The following ERC2 variants were observed in gnomAD, a reference collection of about 807,000 sequenced individuals.
ERC2 encodes ELKS/RAB6-interacting/CAST family member 2, also known as ERC protein 2.
In ERC2, 42 loss-of-function variants were observed where a neutral mutation model predicts 114.8. That is an observed-to-expected ratio of 0.37 (90% CI 0.29 to 0.47). The LOEUF is 0.47. Ranked by LOEUF, ERC2 falls within the 20% of genes least tolerant of loss-of-function variation. ERC2 has a pLI of 0.99. For synonymous variants in ERC2, 454 were observed against 425.5 expected, an observed-to-expected ratio of 1.07 and a Z score of -0.82; for missense variants, 939 against 1,150.7, an observed-to-expected ratio of 0.82 and a Z score of 2.66.
chr3:55,743,873 A>G (rs2148947652), intron 14 of ERC2, among the ~76,000 whole-genome samples: 1 of 152,314 alleles, frequency 6.6e-6, no homozygotes, highest in African/African-American at 2.4e-5. Flanking sequence ...GGACAATCAT[A>G]ACTCTCTCTT....
At chr3:56,138,059 T>C (rs866311607) in intron 6 of ERC2, among the ~76,000 whole-genome samples, 19 of 139,426 alleles carry the variant, frequency 1.4e-4, no homozygotes, top group African/African-American at 4.4e-4. Flanking sequence ...TTCTTTTTTT[T>C]TTTTTTTTTT....
chr3:56,455,676 T>C (rs1408993957), intron 1 of ERC2, among the ~76,000 whole-genome samples: 2 of 152,264 alleles, frequency 1.3e-5, no homozygotes, highest in Non-Finnish European at 1.5e-5. Flanking sequence ...TGACTCATAG[T>C]AGATACTTAA....
At chr3:55,575,406 G>A (rs1559679551) in intron 17 of ERC2, among the ~76,000 whole-genome samples, 1 of 152,186 alleles carries the variant, frequency 6.6e-6, no homozygotes, top group Non-Finnish European at 1.5e-5. Context: ...GATAAATGGG[G>A]TCCTGTTACC....
intron 1 of ERC2, among the ~76,000 whole-genome samples, chr3:56,440,368 C>T (rs902506909): frequency 6.6e-6 from 1 of 152,062 alleles, no homozygotes; most frequent in Non-Finnish European, 1.5e-5. Flanking sequence ...ACGGTGAAAC[C>T]CCATCTCTAC....
At chr3:56,132,823 G>A (rs2080285481) in intron 6 of ERC2, among the ~76,000 whole-genome samples, 1 of 151,950 alleles carries the variant, frequency 6.6e-6, no homozygotes. Flanking sequence ...GTGTATGTTT[G>A]TATATATATA....
At chr3:55,908,413 A>T (rs2064594646) in intron 13 of ERC2, among the ~76,000 whole-genome samples, 1 of 152,024 alleles carries the variant, frequency 6.6e-6, no homozygotes, top group East Asian at 1.9e-4. Context: ...ATGGGCTGGG[A>T]CAGGGAGGCA....
chr3:55,537,300 G>A (rs2107314370), intron 17 of ERC2, among the ~76,000 whole-genome samples: 1 of 152,346 alleles, frequency 6.6e-6, no homozygotes, highest in African/African-American at 2.4e-5. Context: ...GATAGGTTTG[G>A]AGCATAGAGG....
chr3:55,766,051 G>A lies in ERC2; in HGVS notation c.2565-31133C>T, dbSNP rs577811429. On this transcript the variant is annotated intron_variant, in intron 14 of 17. Transcript: ENST00000288221. ...CAGAACCCCTGTAGGGTATGCCTGG[G>A]CCAAGTCCCAGGACACTAAGAGAAC... 7.9e-5 allele frequency among the ~76,000 whole-genome samples: 12 copies of A among 152,284 alleles called. No homozygotes were observed. The South Asian group carries it at 2.5e-3, about 32-fold the overall frequency.
chr3:56,001,572 C>T (rs1183051314), intron 10 of ERC2, among the ~76,000 whole-genome samples: 2 of 152,082 alleles, frequency 1.3e-5, no homozygotes, highest in African/African-American at 4.8e-5. Context: ...GAAAAGTTCA[C>T]GCTGGCATAT....
At chr3:56,333,698 AT>A (rs5849148) in intron 2 of ERC2, among the ~76,000 whole-genome samples, 33,332 of 150,306 alleles carry the variant, frequency 0.22, 4,229 homozygotes, top group Non-Finnish European at 0.28. Flanking sequence ...CCAAATGAAC[AT>A]TTTTTTTTTC....
rs918071472 is a variant in ERC2, at chr3:56,296,101, C to T, written c.992G>A (p.Arg331Gln). The change falls in exon 3 of 18, where the codon CGG becomes CAG. Residue 331 changes from arginine (R) to glutamine (Q), a missense_variant. Arg to Gln is a conservative substitution (Grantham distance 43). This residue lies in a region of ERC2 where 148 missense variants were observed against 159.1 expected (regional missense o/e 0.93). Coordinates refer to ENST00000288221, the MANE Select transcript of ERC2 (RefSeq NM_015576.3). ...GACCTGAGACTCAGCCTCTGCCATC[C>T]GCCGCGTTCGCTCATTGTCATCCTC... is the stretch of plus-strand genomic sequence containing the variant. ...SLEDDNERTR[R>Q]MAEAESQVSH... 23 of 1,613,670 alleles carry T rather than the reference C, an allele frequency of 1.4e-5. No individual in the cohort carries two copies. Among genetic ancestry groups the T allele is most frequent in the Non-Finnish European group, 1.8e-5 (21 of 1,179,732 alleles).
intron 2 of ERC2, among the ~76,000 whole-genome samples, chr3:56,339,436 A>C (rs1221873471): frequency 6.6e-6 from 1 of 152,038 alleles, no homozygotes; most frequent in Non-Finnish European, 1.5e-5. Context: ...CACTCAGAAT[A>C]CTTTGGCACT....
chr3:55,884,090 A>C (rs2063250568), intron 14 of ERC2, among the ~76,000 whole-genome samples: 1 of 152,110 alleles, frequency 6.6e-6, no homozygotes, highest in South Asian at 2.1e-4. Context: ...GGATATGAGA[A>C]CCCTCTTTAT....
intron 11 of ERC2, among the ~76,000 whole-genome samples, chr3:55,990,919 C>T (rs1033063597): frequency 2.6e-5 from 4 of 152,114 alleles, no homozygotes; most frequent in African/African-American, 9.7e-5. Context: ...ACAGTGAGAC[C>T]TGATCTCTAC....
intron 6 of ERC2, among the ~76,000 whole-genome samples, chr3:56,094,514 G>A (rs745339501): frequency 6.6e-5 from 10 of 152,088 alleles, no homozygotes; most frequent in Non-Finnish European, 4.4e-5. Flanking sequence ...TGGGACCTTG[G>A]GGGAAGCTGC....
intron 15 of ERC2, among the ~76,000 whole-genome samples, chr3:55,717,709 G>A (rs148937491): frequency 6.6e-6 from 1 of 152,126 alleles, no homozygotes; most frequent in Non-Finnish European, 1.5e-5. Context: ...TGGAGAATGA[G>A]GCCTCTCCTT....
chr3:56,452,895 C>T (rs1265104620), intron 1 of ERC2, among the ~76,000 whole-genome samples: 5 of 152,156 alleles, frequency 3.3e-5, no homozygotes, highest in Admixed American at 6.5e-5. Flanking sequence ...ATACTCAGTA[C>T]AATCCTCATC....
chr3:56,006,202 TA>T (rs1351773842), intron 10 of ERC2, among the ~76,000 whole-genome samples: 4 of 152,202 alleles, frequency 2.6e-5, no homozygotes, highest in African/African-American at 9.6e-5. Context: ...TACCATATAG[TA>T]ACATTTCAGT....
chr3:56,122,521 C>A (rs1261535482), intron 6 of ERC2, among the ~76,000 whole-genome samples: 1 of 152,048 alleles, frequency 6.6e-6, no homozygotes, highest in African/African-American at 2.4e-5. Context: ...AAAAATAAAT[C>A]AAAGCCATCC....
Sources: allele counts gnomAD v4.1 joint callset (sites outside exome capture counted in the v4.1 genomes callset), GRCh38; gene constraint gnomAD v4.1.1; regional missense constraint gnomAD v4.1.1; transcripts MANE v1.5; gene names NCBI Gene and HGNC (gene_info 2026-07-23, HGNC 2026-07-21).